DMD: variants seen among roughly 807,000 people sequenced by gnomAD.
The protein encoded by DMD is dystrophin.
A neutral mutation model predicts 330.1 loss-of-function variants in DMD; 63 were observed. The observed-to-expected ratio is 0.19, with a 90% CI of 0.16 to 0.24. DMD has a LOEUF of 0.24. Ranked by LOEUF, DMD falls within the 10% of genes least tolerant of loss-of-function variation. The pLI is 1.00. For missense variants in DMD, 3,344 were observed against 2,684.1 expected, an observed-to-expected ratio of 1.25 and a Z score of -5.43; for synonymous variants, 1,223 against 959.8, an observed-to-expected ratio of 1.27 and a Z score of -5.07.
At chrX:33,070,862 A>G (rs2094744711) in intron 1 of DMD, among the ~76,000 whole-genome samples, 1 of 108,602 alleles carries the variant, frequency 9.2e-6, no homozygotes, top group Admixed American at 1.0e-4. Context: ...AAATCTATCT[A>G]GAAAAAAGGG....
chrX:33,234,122 G>A (rs1012942784), intron 1 of DMD, among the ~76,000 whole-genome samples: 3 of 111,620 alleles, frequency 2.7e-5, no homozygotes, highest in African/African-American at 9.8e-5. Context: ...TTCCCAGGAC[G>A]CAGGAAGGTA....
At chrX:32,282,452 A>G (rs1303378804) in intron 43 of DMD, among the ~76,000 whole-genome samples, 1 of 112,213 alleles carries the variant, frequency 8.9e-6, no homozygotes, top group African/African-American at 3.2e-5. Flanking sequence ...ACATATAGGC[A>G]TATCTATCCA....
intron 16 of DMD, among the ~76,000 whole-genome samples, chrX:32,563,306 G>A (rs929001353): frequency 2.2e-5 from 2 of 90,923 alleles, no homozygotes; most frequent in Non-Finnish European, 4.1e-5. Flanking sequence ...TTGTGCCACT[G>A]CACTCCAGCC....
intron 74 of DMD, among the ~76,000 whole-genome samples, chrX:31,158,305 A>T (rs1194427408): frequency 8.9e-6 from 1 of 112,253 alleles, no homozygotes; most frequent in Non-Finnish European, 1.9e-5. Context: ...TAATATAGAT[A>T]CCATTTTAAA....
intron 52 of DMD, among the ~76,000 whole-genome samples, chrX:31,711,087 C>CAA (rs773274149): frequency 1.6e-3 from 154 of 97,523 alleles, no homozygotes; most frequent in African/African-American, 3.9e-3. Flanking sequence ...GGCTCCAGAC[C>CAA]AAAAAAAAAA....
intron 12 of DMD, among the ~76,000 whole-genome samples, chrX:32,600,207 A>G (rs2056037028): frequency 1.8e-5 from 2 of 112,219 alleles, no homozygotes; most frequent in South Asian, 7.3e-4. Flanking sequence ...CTGGAGAGCC[A>G]CTTCAGTGTT....
chrX:32,780,476 A>G (rs2074612183), intron 7 of DMD, among the ~76,000 whole-genome samples: 1 of 112,224 alleles, frequency 8.9e-6, no homozygotes, highest in Non-Finnish European at 1.9e-5. Context: ...CCACAGGTAT[A>G]TGTTTTAGCA....
chrX:31,599,259 A>G (rs767953930), intron 55 of DMD, among the ~76,000 whole-genome samples: 2 of 112,181 alleles, frequency 1.8e-5, no homozygotes, highest in South Asian at 3.7e-4. Flanking sequence ...TTAGTTACTT[A>G]AAATGTTTAA....
chrX:32,718,934 T>A (rs2065988870), intron 7 of DMD, among the ~76,000 whole-genome samples: 1 of 112,162 alleles, frequency 8.9e-6, no homozygotes, highest in Non-Finnish European at 1.9e-5. Context: ...CCTTCCATAT[T>A]TAAAATGCTC....
At chrX:33,268,312 C>A (rs1191095690) in intron 1 of DMD, among the ~76,000 whole-genome samples, 3 of 110,765 alleles carry the variant, frequency 2.7e-5, no homozygotes. Flanking sequence ...TTGGCTAAGT[C>A]CCCAAAAGTA....
intron 26 of DMD, among the ~76,000 whole-genome samples, chrX:32,451,650 ATTTC>A (rs1396644535): frequency 9.1e-6 from 1 of 110,153 alleles, no homozygotes; most frequent in African/African-American, 3.3e-5. Flanking sequence ...GGGGGTCTCT[ATTTC>A]TTCTTTGAGT....
intron 60 of DMD, among the ~76,000 whole-genome samples, chrX:31,409,716 A>T (rs1238999727): frequency 8.9e-6 from 1 of 112,704 alleles, no homozygotes; most frequent in Non-Finnish European, 1.9e-5. Flanking sequence ...AGGCTTGAAA[A>T]AGGACAAGTT....
intron 29 of DMD, among the ~76,000 whole-genome samples, chrX:32,425,574 T>C (rs1213781127): frequency 3.6e-5 from 4 of 111,797 alleles, no homozygotes; most frequent in Non-Finnish European, 7.5e-5. Context: ...CATTTTTTCA[T>C]CATCACAGAT....
chrX:33,322,398 G>A (rs2054028649), intron 1 of DMD, among the ~76,000 whole-genome samples: 1 of 109,088 alleles, frequency 9.2e-6, no homozygotes. Flanking sequence ...GGGGGTGGGG[G>A]TGGCCGGTTG....
intron 1 of DMD, among the ~76,000 whole-genome samples, chrX:33,298,089 A>T (rs2053609432): frequency 9.0e-6 from 1 of 111,529 alleles, no homozygotes; most frequent in Non-Finnish European, 1.9e-5. Flanking sequence ...ACAACAAAAA[A>T]GTATCCCTAA....
chrX:31,275,807 C>A (rs1261427063), intron 62 of DMD, among the ~76,000 whole-genome samples: 2 of 110,690 alleles, frequency 1.8e-5, no homozygotes. Flanking sequence ...TACTTTTGAG[C>A]CAATTGAATG....
intron 7 of DMD, among the ~76,000 whole-genome samples, chrX:32,711,043 A>G (rs952048162): frequency 7.2e-5 from 8 of 111,882 alleles, no homozygotes; most frequent in African/African-American, 2.6e-4. Flanking sequence ...TTGACTAGAT[A>G]TTAGCAACTT....
At chrX:32,917,997 G>A (rs990116763) in intron 2 of DMD, among the ~76,000 whole-genome samples, 18 of 105,157 alleles carry the variant, frequency 1.7e-4, no homozygotes, top group South Asian at 4.3e-4. Context: ...AAAAAAAAAA[G>A]AAAGAAAAGG....
At position 32,380,501 on chromosome X, in the gene DMD, A is replaced by G. The variant is rs756158338; in HGVS notation, c.4845+9T>C. The stretch of plus-strand genomic sequence containing the variant: ...TGTTCAAAATAACCTTCAGTGATAT[A>G]GGTTTTACCTTTCCCCAGGCAACTT... On this transcript the variant is annotated intron_variant, in intron 34 of 78. Transcript: ENST00000357033. 2 of 1,207,480 alleles carry G rather than the reference A, an allele frequency of 1.7e-6. No homozygotes were observed. Among genetic ancestry groups the G allele is most frequent in the Admixed American group, 4.4e-5 (2 of 45,957 alleles).
Sources: allele counts gnomAD v4.1 joint callset (sites outside exome capture counted in the v4.1 genomes callset), GRCh38; gene constraint gnomAD v4.1.1; transcripts MANE v1.5; gene names NCBI Gene and HGNC (gene_info 2026-07-23, HGNC 2026-07-21).